ZNF705G: variants seen among roughly 807,000 people sequenced by gnomAD.
ZNF705G encodes the protein zinc finger protein 705G, also known as putative zinc finger protein 705G.
Under a neutral mutation model 19.6 loss-of-function variants are expected in ZNF705G, and 23 were observed. The ratio of observed to expected loss-of-function variants is 1.17; its 90% CI spans 0.84 to 1.66. The LOEUF (loss-of-function observed/expected upper bound fraction) is 1.66. ZNF705G is among the 40% of genes most tolerant of loss of function. The pLI, the probability that ZNF705G is intolerant of heterozygous loss-of-function variation, is 0.00. For synonymous variants in ZNF705G, 146 were observed against 117.7 expected, an observed-to-expected ratio of 1.24 and a Z score of -1.56; for missense variants, 457 against 354.4, an observed-to-expected ratio of 1.29 and a Z score of -2.32.
At chr8:7,378,963 C>T (rs1251633503) in intron 2 of ZNF705G, among the ~76,000 whole-genome samples, 1 of 149,050 alleles carries the variant, frequency 6.7e-6, no homozygotes. Context: ...CCTACAACAG[C>T]CACTGAGTGC....
intron 1 of ZNF705G, among the ~76,000 whole-genome samples, chr8:7,383,557 A>T (rs1290811937): frequency 6.8e-6 from 1 of 146,624 alleles, no homozygotes; most frequent in Admixed American, 6.6e-5. Flanking sequence ...GAAGGAGGTA[A>T]GGAAGTGCTG....
At chr8:7,371,510 A>G (rs1323282635) in intron 2 of ZNF705G, among the ~76,000 whole-genome samples, 1 of 108,948 alleles carries the variant, frequency 9.2e-6, no homozygotes, top group African/African-American at 3.4e-5. Flanking sequence ...AGGGGAGGGG[A>G]CTTAGGGAGG....
intron 1 of ZNF705G, among the ~76,000 whole-genome samples, chr8:7,382,685 C>G (rs923244108): frequency 5.5e-5 from 8 of 146,656 alleles, no homozygotes; most frequent in Non-Finnish European, 1.0e-4. Context: ...CCTCTTTCCA[C>G]ACATCTATGG....
In ZNF705G at chr8:7,360,258, A is replaced by T; in HGVS notation, c.214T>A (p.Phe72Ile). The change falls in exon 5 of 7, where the codon TTT becomes ATT. Residue 72 changes from phenylalanine to isoleucine, a missense_variant. Phe to Ile is a conservative substitution (Grantham distance 21). Transcript: ENST00000400156. The stretch of plus-strand genomic sequence containing the variant: ...TTACTTGGATTCTGGTCTTGAAGAA[A>T]TACTCTTCCTTCCCTCCACAGCTCT... ...GKELWREGRV[F>I]LQDQNPNRES... 4.4e-6 allele frequency: 7 copies of T among 1,592,336 alleles called. No homozygotes were observed. The highest frequency in any genetic ancestry group is 5.9e-6 in the Non-Finnish European group (7 of 1,179,192).
chr8:7,357,617 T>C lies in ZNF705G; in HGVS notation c.*359A>G, dbSNP rs575448661. 3.6e-5 allele frequency: 14 copies of C among 394,240 alleles called. No homozygotes were observed. The highest frequency in any genetic ancestry group is 5.8e-5 in the East Asian group (1 of 17,102). The allele number at this position is 394,240 out of a possible 1,614,324, so 24.4% of individuals were successfully genotyped here. ...CTCTCTCATGTCACTTATGCTCAGA[T>C]CACTAACAAGTCTTTGGTACATACA... On this transcript the variant is annotated 3_prime_UTR_variant, in exon 7 of 7. Coordinates refer to ENST00000400156, the MANE Select transcript of ZNF705G (RefSeq NM_001164457.3).
intron 1 of ZNF705G, among the ~76,000 whole-genome samples, chr8:7,384,614 A>G (rs1367099244): frequency 1.4e-5 from 2 of 145,474 alleles, no homozygotes; most frequent in East Asian, 1.9e-4. Context: ...CTAAAATTTA[A>G]AACTTAATAA....
At position 7,381,563 on chromosome 8, in the gene ZNF705G, T is replaced by G. The variant is rs1807497834; in HGVS notation, c.-183A>C. 1 of 135,910 alleles carries G rather than the reference T, an allele frequency of 7.4e-6. No individual in the cohort carries two copies. The highest frequency in any genetic ancestry group is 3.3e-5 in the African/African-American group (1 of 30,686). 8.4% of individuals were successfully genotyped at this position (135,910 alleles called of 1,614,324 possible). A position where few individuals can be genotyped will look rare whatever the true frequency, so the allele number is the denominator to read the frequency against. On this transcript the variant is annotated 5_prime_UTR_variant, in exon 2 of 7. Coordinates refer to ENST00000400156, the MANE Select transcript of ZNF705G (RefSeq NM_001164457.3). ...GATGACCTTACAGCCTGAAGGTGGC[T>G]CTTTCTTCAGTGTACATCAATTGAG...
chr8:7,360,677 CA>C lies in ZNF705G; in HGVS notation c.140-346del, dbSNP rs1246662604. On this transcript the variant is annotated intron_variant, in intron 4 of 6. Transcript: ENST00000400156. Reference sequence around the variant, plus strand: ...TGTTTACTATTATTCTCACGCACAACAAAAAAAAACATTCGATTTACAAAAA... The same window carrying C: ...TGTTTACTATTATTCTCACGCACAACAAAAAAAACATTCGATTTACAAAAA... Among the ~76,000 whole-genome samples the C allele has an allele frequency of 3.0e-4, 45 of 148,002 alleles. 3 individuals are homozygous for C. The highest frequency in any genetic ancestry group is 6.5e-4 in the African/African-American group (25 of 38,300).
intron 2 of ZNF705G, among the ~76,000 whole-genome samples, chr8:7,379,629 C>T (rs1807400561): frequency 6.8e-6 from 1 of 147,232 alleles, no homozygotes; most frequent in East Asian, 1.9e-4. Context: ...CCAGAATCAG[C>T]TTAAAGCCAG....
intron 5 of ZNF705G, 77 bp from the exon 6 acceptor site, chr8:7,359,778 A>G: frequency 1.9e-6 from 3 of 1,597,602 alleles, no homozygotes; most frequent in South Asian, 2.2e-5. Context: ...AAGCCCACGT[A>G]CTTTTTTCAA....
rs747482280 is a variant in ZNF705G at position 7,358,356 on chromosome 8, T to C, written c.523A>G (p.Asn175Asp). The C allele has an allele frequency of 1.2e-6, 2 of 1,607,604 alleles. No individual in the cohort carries two copies. The highest frequency in any genetic ancestry group is 2.2e-5 in the South Asian group (2 of 90,710). The change falls in exon 7 of 7, where the codon AAT becomes GAT. Residue 175 changes from asparagine (N) to aspartate (D), a missense_variant. Transcript: ENST00000400156. ...IHTKGKSYQC[N>D]LCEKAYTNCF... The stretch of plus-strand genomic sequence containing the variant: ...TTAGTATAGGCCTTTTCACATAGAT[T>C]ACACTGATATGATTTACCTTTAGTA...
At chr8:7,370,267 T>A (rs1456998703) in intron 2 of ZNF705G, among the ~76,000 whole-genome samples, 5 of 95,424 alleles carry the variant, frequency 5.2e-5, no homozygotes, top group Admixed American at 1.2e-4. Flanking sequence ...CGAGACTCCA[T>A]CTCAAAAAAA....
intron 3 of ZNF705G, 99 bp from the exon 4 acceptor site, chr8:7,361,335 A>G: frequency 6.3e-7 from 1 of 1,584,104 alleles, no homozygotes; most frequent in Non-Finnish European, 8.5e-7. Flanking sequence ...GGTATGCAGA[A>G]TACTCAGTGT....
Position 7,363,949 on chromosome 8 carries a change from C to T in ZNF705G, c.-71-932G>A, listed in dbSNP as rs145490274. 5.3e-4 allele frequency among the ~76,000 whole-genome samples: 80 copies of T among 149,550 alleles called. 3 individuals carry two copies. Among genetic ancestry groups the T allele is most frequent in the African/African-American group, 9.7e-4 (38 of 39,018 alleles). On this transcript the variant is annotated intron_variant, in intron 2 of 6. Coordinates refer to ENST00000400156, the MANE Select transcript of ZNF705G (RefSeq NM_001164457.3). ...GCATCAGAAATTAGCAGGAGTACCC[C>T]GAGTCATGGTGTTTCTCTCCTGTGT...
intron 2 of ZNF705G, among the ~76,000 whole-genome samples, chr8:7,380,366 G>C (rs1165310323): frequency 4.1e-5 from 6 of 147,522 alleles, no homozygotes; most frequent in Admixed American, 2.0e-4. Context: ...ATTGGCACCT[G>C]TGCATGCCTT....
chr8:7,359,786 C>G, intron 5 of ZNF705G, 85 bp from the exon 6 acceptor site: 1 of 1,582,060 alleles, frequency 6.3e-7, no homozygotes, highest in Non-Finnish European at 8.6e-7. Flanking sequence ...GTACTTTTTT[C>G]AAAAATTGAC....
intron 6 of ZNF705G, among the ~76,000 whole-genome samples, chr8:7,359,278 G>A (rs774349050): frequency 1.5e-4 from 22 of 149,594 alleles, no homozygotes; most frequent in Non-Finnish European, 3.1e-4. Flanking sequence ...CATTTTTCTC[G>A]ATTGACAATT....
chr8:7,358,243 A>G lies in ZNF705G; in HGVS notation c.636T>C (p.Cys212=), dbSNP rs776228244. The G allele has an allele frequency of 1.2e-5, 19 of 1,607,614 alleles. No homozygotes were observed. The South Asian group carries it at 1.9e-4, about 16-fold the overall frequency. ...TTTTCTCGTGTCTTCTAAGGTGAGA[A>G]CACTGAGTGAAGGCTTTTCTACATA... is the stretch of plus-strand genomic sequence containing the variant. The part of the protein sequence containing the change: ...CHLCRKAFTQ[C]SHLRRHEKTH... Residue 212 remains cysteine, a synonymous_variant, in exon 7 of 7, where the codon TGT becomes TGC. Transcript: ENST00000400156.
At chr8:7,384,379 G>C (rs535973705) in intron 1 of ZNF705G, among the ~76,000 whole-genome samples, 1 of 145,514 alleles carries the variant, frequency 6.9e-6, no homozygotes, top group Non-Finnish European at 1.5e-5. Flanking sequence ...CACCACAAGA[G>C]TTTCAACCCC....
Sources: gnomAD v4.1 joint callset for allele counts (sites outside exome capture counted in the v4.1 genomes callset) on GRCh38, gnomAD v4.1.1 for gene constraint, MANE v1.5 for transcripts, NCBI Gene and HGNC (gene_info 2026-07-23, HGNC 2026-07-21) for gene names.